The following WWOX variants were observed in gnomAD, a reference collection of about 807,000 sequenced individuals.
The protein encoded by WWOX is WW domain containing oxidoreductase.
In WWOX, 69 loss-of-function variants were observed where a neutral mutation model predicts 46.2. That is an observed-to-expected ratio of 1.49 (90% CI 1.23 to 1.82). WWOX has a LOEUF of 1.82. Ranked by LOEUF, WWOX falls within the 40% of genes most tolerant of loss-of-function variation. WWOX has a pLI of 0.00. For synonymous variants in WWOX, 359 were observed against 202.6 expected (o/e 1.77, Z -6.56); for missense variants, 919 against 542.6 (o/e 1.69, Z -6.89).
intron 8 of WWOX, among the ~76,000 whole-genome samples, chr16:79,151,005 A>G (rs573185630): frequency 5.9e-5 from 9 of 152,196 alleles, no homozygotes; most frequent in Non-Finnish European, 1.3e-4. Context: ...AGGACGTTGC[A>G]CAGGAATTAT....
intron 8 of WWOX, among the ~76,000 whole-genome samples, chr16:79,057,387 G>A (rs545002747): frequency 6.6e-5 from 10 of 152,284 alleles, no homozygotes; most frequent in South Asian, 2.1e-4. Context: ...GTAATTCACC[G>A]GCCATAGCAT....
At chr16:78,442,149 A>G (rs893282894) in intron 8 of WWOX, among the ~76,000 whole-genome samples, 2 of 152,078 alleles carry the variant, frequency 1.3e-5, no homozygotes, top group African/African-American at 4.8e-5. Flanking sequence ...AAGGAAAAAA[A>G]AAATTATATG....
intron 8 of WWOX, among the ~76,000 whole-genome samples, chr16:78,692,181 G>C (rs1248631799): frequency 3.3e-5 from 5 of 152,216 alleles, no homozygotes; most frequent in Non-Finnish European, 7.3e-5. Flanking sequence ...GTTAGGAAGG[G>C]AGTGTGGTTG....
chr16:78,679,032 G>C (rs991079338), intron 8 of WWOX, among the ~76,000 whole-genome samples: 1 of 152,196 alleles, frequency 6.6e-6, no homozygotes, highest in African/African-American at 2.4e-5. Context: ...GCAGGGAAGG[G>C]GGCAATTGCC....
At chr16:79,006,517 T>TC (rs1298468564) in intron 8 of WWOX, among the ~76,000 whole-genome samples, 2 of 152,092 alleles carry the variant, frequency 1.3e-5, no homozygotes, top group East Asian at 1.9e-4. Flanking sequence ...TTTTTTTTTT[T>TC]CCTTCCATTT....
At chr16:78,324,697 A>G (rs913855328) in intron 5 of WWOX, among the ~76,000 whole-genome samples, 2 of 146,334 alleles carry the variant, frequency 1.4e-5, no homozygotes, top group African/African-American at 5.0e-5. Flanking sequence ...AAAAGTCCAC[A>G]TATGGTGAGA....
At chr16:78,364,936 G>C (rs1398748151) in intron 5 of WWOX, among the ~76,000 whole-genome samples, 1 of 151,694 alleles carries the variant, frequency 6.6e-6, no homozygotes, top group Non-Finnish European at 1.5e-5. Flanking sequence ...TCTTTACAAA[G>C]ATGTTCCTGG....
chr16:79,189,014 G>T (rs1410040052), intron 8 of WWOX, among the ~76,000 whole-genome samples: 1 of 151,816 alleles, frequency 6.6e-6, no homozygotes, highest in Non-Finnish European at 1.5e-5. Flanking sequence ...TGGATTCTGT[G>T]TGGAAGAGTT....
At position 78,112,264 on chromosome 16, in the gene WWOX, CA is replaced by C. The variant is rs1486527051; in HGVS notation, c.230+2433del. The stretch of plus-strand genomic sequence containing the variant: ...GCATTTTCACTGTAGTTGATTGAAC[CA>C]AAACTTTTTTTTTAGCTGCTTGTCT... On this transcript the variant is annotated intron_variant, in intron 3 of 8. Coordinates refer to ENST00000566780, the MANE Select transcript of WWOX (RefSeq NM_016373.4). 5.3e-5 allele frequency among the ~76,000 whole-genome samples: 8 copies of C among 152,204 alleles called. No homozygotes were observed. The East Asian group carries it at 1.5e-3, about 29-fold the overall frequency.
intron 8 of WWOX, among the ~76,000 whole-genome samples, chr16:78,623,628 G>A (rs897737110): frequency 6.6e-6 from 1 of 151,842 alleles, no homozygotes; most frequent in Non-Finnish European, 1.5e-5. Context: ...TGCAGTGAGT[G>A]CGGTGGCAGC....
At chr16:78,500,677 G>C (rs913012018) in intron 8 of WWOX, among the ~76,000 whole-genome samples, 9 of 152,198 alleles carry the variant, frequency 5.9e-5, no homozygotes, top group African/African-American at 1.7e-4. Context: ...ATTCCAAGCA[G>C]TCTTCCAGCT....
chr16:78,754,560 T>A lies in WWOX; in HGVS notation c.1056+321808T>A, dbSNP rs148127237. 7.6e-3 allele frequency among the ~76,000 whole-genome samples: 1,155 copies of A among 152,296 alleles called. 5 individuals are homozygous for A. The highest frequency in any genetic ancestry group is 0.019 in the South Asian group (90 of 4,828). ...TTCTCTCCAAATAAATGGTATTTAT[T>A]AAATAAAAATTCATTTTCTCATTTA... On this transcript the variant is annotated intron_variant, in intron 8 of 8. Transcript: ENST00000566780.
chr16:78,990,693 GGAAAGAA>G (rs1189658607), intron 8 of WWOX, among the ~76,000 whole-genome samples: 2 of 152,068 alleles, frequency 1.3e-5, no homozygotes, highest in African/African-American at 4.8e-5. Context: ...AGCACATAGA[GGAAAGAA>G]GGAAGAAGGA....
chr16:78,581,268 A>C (rs2045045826), intron 8 of WWOX, among the ~76,000 whole-genome samples: 1 of 152,216 alleles, frequency 6.6e-6, no homozygotes, highest in Admixed American at 6.5e-5. Context: ...AAGGGTCTTG[A>C]GCATGTGGCT....
chr16:78,454,109 C>T (rs906853230), intron 8 of WWOX, among the ~76,000 whole-genome samples: 2 of 152,148 alleles, frequency 1.3e-5, no homozygotes, highest in South Asian at 4.1e-4. Flanking sequence ...AAGCCTCTTC[C>T]AGTATTCTAG....
At chr16:79,030,024 T>C (rs985281871) in intron 8 of WWOX, among the ~76,000 whole-genome samples, 31 of 151,952 alleles carry the variant, frequency 2.0e-4, no homozygotes, top group African/African-American at 6.5e-4. Context: ...GTTTACCCCA[T>C]AGTCCAAATA....
At chr16:78,894,720 C>T (rs949948296) in intron 8 of WWOX, among the ~76,000 whole-genome samples, 1 of 152,060 alleles carries the variant, frequency 6.6e-6, no homozygotes, top group Non-Finnish European at 1.5e-5. Context: ...TGGAAGGCCA[C>T]GTTGCAATTA....
chr16:78,851,777 T>G (rs534878532), intron 8 of WWOX, among the ~76,000 whole-genome samples: 229 of 152,376 alleles, frequency 1.5e-3, no homozygotes, highest in Non-Finnish European at 2.5e-3. Context: ...TTAGGGGCTG[T>G]AGATGAACTG....
At chr16:79,158,456 C>G (rs2050423981) in intron 8 of WWOX, among the ~76,000 whole-genome samples, 1 of 152,054 alleles carries the variant, frequency 6.6e-6, no homozygotes, top group Admixed American at 6.5e-5. Flanking sequence ...TGGCGTTTAA[C>G]TCTGCTTTAA....
Sources: allele counts gnomAD v4.1 joint callset (sites outside exome capture counted in the v4.1 genomes callset), GRCh38; gene constraint gnomAD v4.1.1; transcripts MANE v1.5; gene names NCBI Gene and HGNC (gene_info 2026-07-23, HGNC 2026-07-21).